MYO1D: variants seen among roughly 807,000 people sequenced by gnomAD.
The protein encoded by MYO1D is unconventional myosin-Id.
A neutral mutation model predicts 122.0 loss-of-function variants in MYO1D; 83 were observed. That is an observed-to-expected ratio of 0.68 (90% CI 0.57 to 0.82). The LOEUF is 0.82. Ranked by LOEUF, MYO1D falls within the 40% of genes least tolerant of loss-of-function variation. The pLI, the probability that MYO1D is intolerant of heterozygous loss-of-function variation, is 0.00. For missense variants in MYO1D, 1,157 were observed against 1,269.5 expected, an observed-to-expected ratio of 0.91 and a Z score of 1.35; for synonymous variants, 464 against 446.9, an observed-to-expected ratio of 1.04 and a Z score of -0.48.
intron 1 of MYO1D, among the ~76,000 whole-genome samples, chr17:32,793,076 T>C (rs1373235697): frequency 6.6e-6 from 1 of 152,070 alleles, no homozygotes. Context: ...AGATGCTTTG[T>C]TTTGACCTTT....
chr17:32,874,152 C>G (rs1453374580), intron 1 of MYO1D, among the ~76,000 whole-genome samples: 1 of 152,196 alleles, frequency 6.6e-6, no homozygotes, highest in Non-Finnish European at 1.5e-5. Context: ...CCTAAGGTAT[C>G]TCTCTCTCTT....
chr17:32,515,567 C>T (rs1206252683), intron 21 of MYO1D, among the ~76,000 whole-genome samples: 1 of 152,158 alleles, frequency 6.6e-6, no homozygotes, highest in Non-Finnish European at 1.5e-5. Context: ...GTTGGTATTA[C>T]AGGTGTGAGC....
intron 19 of MYO1D, among the ~76,000 whole-genome samples, chr17:32,650,940 A>G (rs567093787): frequency 1.3e-5 from 2 of 152,162 alleles, no homozygotes; most frequent in South Asian, 2.1e-4. Flanking sequence ...GTATGCTTGG[A>G]AACTTTTGAG....
chr17:32,845,641 T>C (rs1300665116), intron 1 of MYO1D, among the ~76,000 whole-genome samples: 1 of 152,142 alleles, frequency 6.6e-6, no homozygotes, highest in African/African-American at 2.4e-5. Flanking sequence ...TTCAATACAG[T>C]AGCCACGAGC....
intron 14 of MYO1D, among the ~76,000 whole-genome samples, chr17:32,724,821 C>T (rs574774389): frequency 1.3e-5 from 2 of 152,298 alleles, no homozygotes; most frequent in East Asian, 3.9e-4. Flanking sequence ...ATTTGGAATA[C>T]TATTGTTCTT....
At chr17:32,545,012 G>A (rs1030392659) in intron 21 of MYO1D, among the ~76,000 whole-genome samples, 3 of 152,090 alleles carry the variant, frequency 2.0e-5, no homozygotes, top group African/African-American at 7.2e-5. Context: ...CCTGCCTTGC[G>A]TATTGATATG....
intron 14 of MYO1D, among the ~76,000 whole-genome samples, chr17:32,731,535 T>G (rs969231536): frequency 6.6e-6 from 1 of 152,226 alleles, no homozygotes; most frequent in Admixed American, 6.5e-5. Flanking sequence ...TAGTATCTTG[T>G]AGTGATTCTT....
intron 21 of MYO1D, among the ~76,000 whole-genome samples, chr17:32,580,289 A>ATTTTTTTTTTTTTTTTTT (rs71144843): frequency 2.6e-5 from 1 of 39,118 alleles, no homozygotes; most frequent in Non-Finnish European, 4.3e-5. Context: ...TGCTAAGAGG[A>ATTTTTTTTTTTTTTTTTT]TTTTTTTTTT....
chr17:32,710,620 C>G (rs989383325), intron 16 of MYO1D, among the ~76,000 whole-genome samples: 2 of 152,074 alleles, frequency 1.3e-5, no homozygotes, highest in Non-Finnish European at 2.9e-5. Context: ...ATTCGGTCCA[C>G]AAAGCATCTT....
chr17:32,564,713 T>C (rs1249530509), intron 21 of MYO1D, among the ~76,000 whole-genome samples: 1 of 152,156 alleles, frequency 6.6e-6, no homozygotes, highest in Non-Finnish European at 1.5e-5. Context: ...GCACAAGACA[T>C]AACAAAGAGC....
chr17:32,576,988 G>A (rs939047096), intron 21 of MYO1D, among the ~76,000 whole-genome samples: 1 of 151,954 alleles, frequency 6.6e-6, no homozygotes, highest in Non-Finnish European at 1.5e-5. Flanking sequence ...GGTGGCTCAC[G>A]CCTGTAATCC....
chr17:32,780,560 G>T lies in MYO1D; in HGVS notation c.304+16C>A, dbSNP rs200837283. The T allele has an allele frequency of 2.5e-6, 4 of 1,609,854 alleles. No homozygotes were observed. Among genetic ancestry groups the T allele is most frequent in the East Asian group, 4.5e-5 (2 of 44,858 alleles). ...ACATTGTGACTTTGGAAATACAGGG[G>T]ATCCCCTCCAATTACCTGATATCAC... On this transcript the variant is annotated intron_variant, in intron 2 of 21. Coordinates refer to ENST00000318217, the MANE Select transcript of MYO1D (RefSeq NM_015194.3).
chr17:32,778,243 A>G (rs1208373441), intron 3 of MYO1D, among the ~76,000 whole-genome samples: 2 of 152,218 alleles, frequency 1.3e-5, no homozygotes, highest in Non-Finnish European at 2.9e-5. Context: ...AATTAGGTAA[A>G]GCTTACCATA....
intron 20 of MYO1D, among the ~76,000 whole-genome samples, chr17:32,635,168 C>T (rs2088080319): frequency 6.6e-6 from 1 of 152,148 alleles, no homozygotes; most frequent in African/African-American, 2.4e-5. Context: ...AGTTGGCTGA[C>T]TCAGACCTTA....
At chr17:32,738,155 C>T in intron 14 of MYO1D, 98 bp downstream of exon 14, 1 of 1,054,346 alleles carries the variant, frequency 9.5e-7, no homozygotes. Flanking sequence ...CTTCAATCTA[C>T]ATGATTACCT....
chr17:32,655,557 CT>C (rs1484928538), intron 17 of MYO1D, among the ~76,000 whole-genome samples: 1 of 152,126 alleles, frequency 6.6e-6, no homozygotes, highest in Admixed American at 6.6e-5. Context: ...ATACGGAGAC[CT>C]GCACCAGAGT....
intron 1 of MYO1D, among the ~76,000 whole-genome samples, chr17:32,787,614 T>C (rs2090311217): frequency 6.6e-6 from 1 of 152,184 alleles, no homozygotes; most frequent in Admixed American, 6.5e-5. Context: ...AGACAGGGTT[T>C]CACTATGTTG....
chr17:32,711,411 G>T (rs1567960846), intron 16 of MYO1D, among the ~76,000 whole-genome samples: 1 of 152,196 alleles, frequency 6.6e-6, no homozygotes, highest in Non-Finnish European at 1.5e-5. Context: ...ACTTTGGGAG[G>T]CCGAGGTGGG....
At chr17:32,815,220 T>A (rs1158368325) in intron 1 of MYO1D, among the ~76,000 whole-genome samples, 2 of 152,224 alleles carry the variant, frequency 1.3e-5, no homozygotes, top group East Asian at 3.8e-4. Flanking sequence ...AATATAATTC[T>A]GTTGAAAAAA....
Sources: gnomAD v4.1 joint callset for allele counts (sites outside exome capture counted in the v4.1 genomes callset) on GRCh38, gnomAD v4.1.1 for gene constraint, MANE v1.5 for transcripts, NCBI Gene and HGNC (gene_info 2026-07-23, HGNC 2026-07-21) for gene names.